The following EPHA3 variants were observed in gnomAD, a reference collection of about 807,000 sequenced individuals.
The protein encoded by EPHA3 is ephrin type-A receptor 3.
EPHA3 carries 42 observed loss-of-function variants against 107.1 expected under a neutral mutation model. The ratio of observed to expected loss-of-function variants is 0.39; its 90% confidence interval spans 0.31 to 0.51. The LOEUF is 0.51. Among genes scored for constraint, EPHA3 ranks in the 20% least tolerant of loss-of-function variants. EPHA3 has a pLI of 0.78. For synonymous variants in EPHA3, 461 were observed against 424.8 expected, an observed-to-expected ratio of 1.09 and a Z score of -1.05; for missense variants, 1,183 against 1,211.2, an observed-to-expected ratio of 0.98 and a Z score of 0.35.
chr3:89,396,598 G>T (rs1708855832), intron 6 of EPHA3, among the ~76,000 whole-genome samples: 1 of 152,134 alleles, frequency 6.6e-6, no homozygotes, highest in Non-Finnish European at 1.5e-5. Flanking sequence ...CCTGAGTGGA[G>T]TGGCGAGTAT....
In EPHA3 at chr3:89,107,645, C is replaced by A. The variant is rs1028173306; in HGVS notation, c.-104C>A. The A allele has an allele frequency of 1.2e-4, 123 of 1,063,556 alleles. No individual in the cohort carries two copies. Among genetic ancestry groups the A allele is most frequent in the African/African-American group, 3.1e-5 (2 of 63,494 alleles). 65.9% of individuals were successfully genotyped at this position (1,063,556 alleles called of 1,614,324 possible). On this transcript the variant is annotated 5_prime_UTR_variant, in exon 1 of 17. Transcript: ENST00000336596. The stretch of plus-strand genomic sequence containing the variant: ...CAGTGTCAAACTTGACATCAGCCTG[C>A]GAGCGGAGCATGGTAACTTCTCCAG...
chr3:89,123,279 G>A (rs1420367083), intron 1 of EPHA3, among the ~76,000 whole-genome samples: 2 of 152,162 alleles, frequency 1.3e-5, no homozygotes, highest in Non-Finnish European at 2.9e-5. Context: ...AAGTAGCTGG[G>A]ATTACAGGTG....
chr3:89,233,646 G>A (rs1390091350), intron 3 of EPHA3, among the ~76,000 whole-genome samples: 1 of 152,114 alleles, frequency 6.6e-6, no homozygotes, highest in East Asian at 1.9e-4. Flanking sequence ...ATTGGTGTTG[G>A]CTATAGGTCT....
At chr3:89,159,062 T>A (rs1291842900) in intron 2 of EPHA3, among the ~76,000 whole-genome samples, 1 of 152,246 alleles carries the variant, frequency 6.6e-6, no homozygotes, top group South Asian at 2.1e-4. Context: ...CCTAATTCAT[T>A]AATATATTAG....
chr3:89,180,825 G>T (rs78142747), intron 2 of EPHA3, among the ~76,000 whole-genome samples: 2,909 of 152,066 alleles, frequency 0.019, 302 homozygotes, highest in Admixed American at 0.17. Context: ...TAAGTGAAGT[G>T]CATATGGGAC....
intron 6 of EPHA3, 33 bp from the exon 7 acceptor site, chr3:89,399,285 T>C: frequency 6.3e-7 from 1 of 1,578,928 alleles, no homozygotes. Flanking sequence ...GAAGATTTGA[T>C]TTTAACATGA....
chr3:89,199,899 C>T lies in EPHA3; in HGVS notation c.154-9961C>T, dbSNP rs903003556. On this transcript the variant is annotated intron_variant, in intron 2 of 16. Transcript: ENST00000336596. ...TATAATTTTGACATTTGGCACATTG[C>T]ATGCCATTTAATTTTAGTAAATTAA... Among the ~76,000 whole-genome samples, 67 of 152,170 alleles carry T rather than the reference C, an allele frequency of 4.4e-4. 2 individuals are homozygous for T. The highest frequency in any genetic ancestry group is 1.3e-4 in the Non-Finnish European group (9 of 68,026).
At chr3:89,460,716 T>G (rs1424632245) in intron 15 of EPHA3, among the ~76,000 whole-genome samples, 1 of 147,466 alleles carries the variant, frequency 6.8e-6, no homozygotes, top group Non-Finnish European at 1.5e-5. Flanking sequence ...GACTTTGACC[T>G]CAAATTCTGA....
intron 3 of EPHA3, among the ~76,000 whole-genome samples, chr3:89,263,030 CAGGTTTGTTACAT>C (rs1382929745): frequency 7.5e-6 from 1 of 134,098 alleles, no homozygotes; most frequent in Admixed American, 8.9e-5. Context: ...GCAGAAGGTG[CAGGTTTGTTACAT>C]AGGTATACAC....
intron 3 of EPHA3, among the ~76,000 whole-genome samples, chr3:89,288,140 A>T (rs1486006737): frequency 2.0e-5 from 3 of 151,924 alleles, no homozygotes; most frequent in East Asian, 1.9e-4. Context: ...TTACAAATTT[A>T]AAAAAAACAC....
At chr3:89,116,017 C>T (rs548083172) in intron 1 of EPHA3, among the ~76,000 whole-genome samples, 3 of 152,226 alleles carry the variant, frequency 2.0e-5, no homozygotes, top group African/African-American at 7.2e-5. Context: ...AATGAGGGTA[C>T]TTTGGAACTG....
intron 13 of EPHA3, among the ~76,000 whole-genome samples, chr3:89,439,035 A>C (rs530240563): frequency 6.6e-6 from 1 of 152,326 alleles, no homozygotes; most frequent in East Asian, 1.9e-4. Context: ...AGAAAAGTAA[A>C]ATGAGGAATG....
In EPHA3 at chr3:89,407,303, C is replaced by T; in HGVS notation, c.1629C>T (p.Val543=). The change falls in exon 8 of 17, where the codon GTC becomes GTT. Residue 543 remains valine (V), a synonymous_variant. Transcript: ENST00000336596. The part of the protein sequence containing the change: ...FSISGESSQV[V]MIAISAAVAI... ...TCTCTGGTGAAAGTAGCCAAGTGGT[C>T]ATGATCGCCATTTCAGCGGCAGTAG... 3 of 1,613,582 alleles carry T rather than the reference C, an allele frequency of 1.9e-6. No homozygotes were observed. Among genetic ancestry groups the T allele is most frequent in the Non-Finnish European group, 2.5e-6 (3 of 1,179,642 alleles).
At chr3:89,298,741 A>C (rs1706418973) in intron 3 of EPHA3, among the ~76,000 whole-genome samples, 1 of 152,166 alleles carries the variant, frequency 6.6e-6, no homozygotes, top group African/African-American at 2.4e-5. Context: ...TGTGCTGAAA[A>C]TTATTTTAAC....
At chr3:89,290,846 A>C (rs1230557524) in intron 3 of EPHA3, among the ~76,000 whole-genome samples, 3 of 152,178 alleles carry the variant, frequency 2.0e-5, no homozygotes, top group Admixed American at 1.3e-4. Flanking sequence ...TAATTGAAAT[A>C]AATTATTAAA....
intron 3 of EPHA3, among the ~76,000 whole-genome samples, chr3:89,308,554 G>A (rs1028736318): frequency 6.6e-6 from 1 of 151,158 alleles, no homozygotes; most frequent in Non-Finnish European, 1.5e-5. Flanking sequence ...AAGTTAGGTA[G>A]AAACAACTAA....
intron 5 of EPHA3, among the ~76,000 whole-genome samples, chr3:89,361,769 A>C (rs1432507411): frequency 2.6e-5 from 4 of 151,012 alleles, no homozygotes; most frequent in Non-Finnish European, 4.4e-5. Flanking sequence ...GAGAGGTGAT[A>C]ATAACTTGAG....
intron 5 of EPHA3, among the ~76,000 whole-genome samples, chr3:89,351,712 T>A (rs1707824819): frequency 6.6e-6 from 1 of 151,324 alleles, no homozygotes; most frequent in Admixed American, 6.6e-5. Flanking sequence ...ATATATTTAT[T>A]AAAATCAAGA....
intron 16 of EPHA3, 24 bp from the exon 17 acceptor site, chr3:89,479,373 T>C (rs780119201): frequency 1.0e-5 from 16 of 1,593,574 alleles, no homozygotes; most frequent in African/African-American, 9.4e-5. Context: ...AAACCGATTC[T>C]TATATTGTTT....
Sources: allele counts gnomAD v4.1 joint callset (sites outside exome capture counted in the v4.1 genomes callset), GRCh38; gene constraint gnomAD v4.1.1; transcripts MANE v1.5; gene names NCBI Gene and HGNC (gene_info 2026-07-23, HGNC 2026-07-21).